PCDH15: variants seen among roughly 807,000 people sequenced by gnomAD.
The protein encoded by PCDH15 is protocadherin-15.
PCDH15 carries 129 observed loss-of-function variants against 178.5 expected under a neutral mutation model. The observed-to-expected ratio is 0.72, with a 90% CI of 0.63 to 0.84. The LOEUF is 0.84. PCDH15 is among the 40% of genes least tolerant of loss of function. PCDH15 has a pLI of 0.00. For missense variants in PCDH15, 2,230 were observed against 2,099.9 expected (o/e 1.06, Z -1.21); for synonymous variants, 800 against 732.0 (o/e 1.09, Z -1.50).
chr10:54,140,395 TG>T (rs1252340391), intron 14 of PCDH15, among the ~76,000 whole-genome samples: 1 of 152,012 alleles, frequency 6.6e-6, no homozygotes, highest in Non-Finnish European at 1.5e-5. Flanking sequence ...TAATTTTTTT[TG>T]GCTCTGGGTA....
intron 2 of PCDH15, among the ~76,000 whole-genome samples, chr10:55,013,608 A>G (rs1840100367): frequency 6.6e-6 from 1 of 151,610 alleles, no homozygotes; most frequent in Non-Finnish European, 1.5e-5. Flanking sequence ...AATAATTTCA[A>G]CTCTCCTTGT....
intron 3 of PCDH15, among the ~76,000 whole-genome samples, chr10:54,507,189 A>T (rs1055125683): frequency 6.6e-6 from 1 of 151,998 alleles, no homozygotes; most frequent in South Asian, 2.1e-4. Flanking sequence ...AAGCACTTTA[A>T]TGATCTCACA....
chr10:55,460,550 C>G (rs1839654641), intron 2 of PCDH15, among the ~76,000 whole-genome samples: 1 of 152,008 alleles, frequency 6.6e-6, no homozygotes, highest in Admixed American at 6.6e-5. Context: ...GTTTTTATAT[C>G]TGGGACTTCA....
chr10:54,448,114 T>C (rs1187682768), intron 3 of PCDH15, among the ~76,000 whole-genome samples: 1 of 151,774 alleles, frequency 6.6e-6, no homozygotes, highest in Non-Finnish European at 1.5e-5. Flanking sequence ...CTTTGCTTAT[T>C]ACTCATGATA....
At chr10:53,874,702 A>C (rs1289262100) in intron 26 of PCDH15, among the ~76,000 whole-genome samples, 2 of 150,354 alleles carry the variant, frequency 1.3e-5, no homozygotes, top group Non-Finnish European at 2.9e-5. Context: ...AATAATTATC[A>C]AAACAAACAA....
intron 2 of PCDH15, among the ~76,000 whole-genome samples, chr10:55,536,049 T>A (rs1052526090): frequency 3.3e-5 from 5 of 152,062 alleles, no homozygotes; most frequent in African/African-American, 1.2e-4. Flanking sequence ...TTCATCAACA[T>A]GGTATATAGC....
In PCDH15 at chr10:54,764,068, A is replaced by G. The variant is rs376564657; in HGVS notation, c.-29+36857T>C. Among the ~76,000 whole-genome samples the G allele has an allele frequency of 3.0e-4, 45 of 152,148 alleles. No individual in the cohort carries two copies. The East Asian group carries it at 6.7e-3, about 23-fold the overall frequency. On this transcript the variant is annotated intron_variant, in intron 1 of 37. Transcript: ENST00000644397. ...CCTGGGCTCAACATGTAATGATGAAAGCAAACTAGAATAGAAAGTAAGGCA... is the reference window on the plus strand; with the variant it reads ...CCTGGGCTCAACATGTAATGATGAAGGCAAACTAGAATAGAAAGTAAGGCA...
rs886877705 is a variant in PCDH15, at chr10:53,844,619, C to T, written c.3807-4123G>A. Among the ~76,000 whole-genome samples the T allele has an allele frequency of 3.3e-5, 5 of 151,986 alleles. No individual in the cohort carries two copies. The East Asian group carries it at 9.7e-4, about 29-fold the overall frequency. On this transcript the variant is annotated intron_variant, in intron 28 of 37. Transcript: ENST00000644397. ...TCATTTTTGACCAAGATGTGAAGAA[C>T]ATACACTGGGGAAAGGACAATTTTT... is the stretch of plus-strand genomic sequence containing the variant.
chr10:54,902,078 G>T (rs1309308011), intron 2 of PCDH15, among the ~76,000 whole-genome samples: 2 of 152,074 alleles, frequency 1.3e-5, no homozygotes, highest in African/African-American at 4.8e-5. Flanking sequence ...TTCACCAGTA[G>T]TTTAATGTAA....
In PCDH15 at chr10:54,218,499, G is replaced by A. The variant is rs115848704; in HGVS notation, c.986-4451C>T. On this transcript the variant is annotated intron_variant, in intron 9 of 37. Coordinates refer to ENST00000644397, the MANE Select transcript of PCDH15 (RefSeq NM_001384140.1). ...GGCTCTTAAATCTGATGGGACTGGT[G>A]TTCTCTTTGTCTCTCTTTCTTTCTA... Among the ~76,000 whole-genome samples the A allele has an allele frequency of 3.6e-3, 543 of 152,252 alleles. 3 individuals carry two copies. The highest frequency in any genetic ancestry group is 0.012 in the African/African-American group (511 of 41,532).
chr10:54,377,046 G>A (rs1374602531), intron 4 of PCDH15, among the ~76,000 whole-genome samples: 1 of 151,806 alleles, frequency 6.6e-6, no homozygotes, highest in Non-Finnish European at 1.5e-5. Flanking sequence ...ACATTTGTTT[G>A]CATTATAATT....
intron 20 of PCDH15, among the ~76,000 whole-genome samples, chr10:53,996,458 G>T (rs899453474): frequency 2.6e-5 from 4 of 152,098 alleles, no homozygotes; most frequent in Admixed American, 6.5e-5. Context: ...ATAGTTATCA[G>T]GTATTTCCCA....
At chr10:53,825,237 A>G in intron 32 of PCDH15, 1 of 1,384,936 alleles carries the variant, frequency 7.2e-7, no homozygotes, top group South Asian at 1.6e-5. Flanking sequence ...TATGAGCAGG[A>G]ACTTGCTTTA....
Position 53,938,813 on chromosome 10 carries a change from A to G in PCDH15, c.3373+2T>C. The G allele has an allele frequency of 6.2e-7, 1 of 1,612,736 alleles. No homozygotes were observed. Among genetic ancestry groups the G allele is most frequent in the Non-Finnish European group, 8.5e-7 (1 of 1,179,498 alleles). Reference sequence around the variant, plus strand: ...GTAAAAGCTTTAAGTAGTATAACTTACTTTTTGAAGGAACTCGGAGATTGG... The same window carrying G: ...GTAAAAGCTTTAAGTAGTATAACTTGCTTTTTGAAGGAACTCGGAGATTGG... On this transcript the variant is annotated splice_donor_variant, in intron 25 of 37. Transcript: ENST00000644397. LOFTEE classifies it high-confidence loss of function.
chr10:54,179,994 G>A (rs188525772), intron 13 of PCDH15, among the ~76,000 whole-genome samples: 2 of 152,298 alleles, frequency 1.3e-5, no homozygotes, highest in East Asian at 1.9e-4. Flanking sequence ...GGTATTAGTG[G>A]AGCATAGTAT....
intron 2 of PCDH15, among the ~76,000 whole-genome samples, chr10:55,613,754 A>G (rs1843418643): frequency 6.6e-6 from 1 of 152,210 alleles, no homozygotes; most frequent in South Asian, 2.1e-4. Context: ...AAAGCCAAAT[A>G]GAAAAGATGC....
intron 12 of PCDH15, among the ~76,000 whole-genome samples, chr10:54,184,418 T>C (rs559545943): frequency 7.2e-5 from 11 of 152,232 alleles, no homozygotes; most frequent in African/African-American, 2.2e-4. Flanking sequence ...AACCCTACTA[T>C]ACTTGTTATT....
At chr10:55,597,421 A>T in intron 2 of PCDH15, among the ~76,000 whole-genome samples, 1 of 152,130 alleles carries the variant, frequency 6.6e-6, no homozygotes, top group East Asian at 1.9e-4. Context: ...CAGAAACAAG[A>T]TACTTAAATT....
At chr10:53,856,087 A>T (rs1344663937) in intron 28 of PCDH15, among the ~76,000 whole-genome samples, 3 of 151,302 alleles carry the variant, frequency 2.0e-5, no homozygotes, top group Non-Finnish European at 4.4e-5. Context: ...GAGGACTCAA[A>T]TGCATAAAGA....
Sources: gnomAD v4.1 joint callset for allele counts (sites outside exome capture counted in the v4.1 genomes callset) on GRCh38, gnomAD v4.1.1 for gene constraint, MANE v1.5 for transcripts, NCBI Gene and HGNC (gene_info 2026-07-23, HGNC 2026-07-21) for gene names.